Variants in LRBA observed in about 807,000 individuals in gnomAD.
LRBA encodes the protein LPS responsive beige-like anchor protein.
A neutral mutation model predicts 330.0 loss-of-function variants in LRBA; 176 were observed. That is an observed-to-expected ratio of 0.53 (90% CI 0.47 to 0.60). LRBA has a LOEUF of 0.60. Among genes scored for constraint, LRBA ranks in the 20% least tolerant of loss-of-function variants. The pLI, the probability that LRBA is intolerant of heterozygous loss-of-function variation, is 0.00. For synonymous variants in LRBA, 1,230 were observed against 1,193.0 expected, an observed-to-expected ratio of 1.03 and a Z score of -0.64; for missense variants, 3,259 against 3,444.8, an observed-to-expected ratio of 0.95 and a Z score of 1.35.
chr4:150,755,839 A>G (rs939309901), intron 35 of LRBA, among the ~76,000 whole-genome samples: 6 of 151,876 alleles, frequency 4.0e-5, no homozygotes, highest in African/African-American at 1.4e-4. Context: ...GGAGTTCAAG[A>G]CTAGCCTGGG....
chr4:150,343,444 C>A (rs967776535), intron 48 of LRBA, among the ~76,000 whole-genome samples: 1 of 152,184 alleles, frequency 6.6e-6, no homozygotes, highest in Non-Finnish European at 1.5e-5. Context: ...CTTTGCCTGT[C>A]TTGCTCATCT....
At chr4:150,810,414 A>C (rs572768452) in intron 31 of LRBA, among the ~76,000 whole-genome samples, 59 of 116,206 alleles carry the variant, frequency 5.1e-4, no homozygotes, top group Non-Finnish European at 9.7e-4. Context: ...TTCCCTTGAT[A>C]ATCAAAGTTG....
At chr4:150,955,337 C>A (rs1456420682) in intron 2 of LRBA, among the ~76,000 whole-genome samples, 1 of 149,114 alleles carries the variant, frequency 6.7e-6, no homozygotes, top group East Asian at 1.9e-4. Context: ...AATGAAGATA[C>A]AACATGACAA....
At chr4:150,392,044 A>G (rs1013167071) in intron 47 of LRBA, among the ~76,000 whole-genome samples, 10 of 151,550 alleles carry the variant, frequency 6.6e-5, no homozygotes, top group Admixed American at 5.9e-4. Flanking sequence ...TCTATTGCCA[A>G]TAGGTTAAAT....
intron 40 of LRBA, among the ~76,000 whole-genome samples, chr4:150,573,929 A>C (rs562673975): frequency 6.6e-6 from 1 of 152,118 alleles, no homozygotes; most frequent in Non-Finnish European, 1.5e-5. Context: ...GCACAATGTC[A>C]TTTCTCTAAG....
rs566606805 is a variant in LRBA at position 150,484,456 on chromosome 4, ATTTC to A, written c.6551+3272_6551+3275del. Among the ~76,000 whole-genome samples, 280 of 151,822 alleles carry A rather than the reference ATTTC, an allele frequency of 1.8e-3. 1 individual carries two copies. Among genetic ancestry groups the A allele is most frequent in the Admixed American group, 3.2e-3 (49 of 15,200 alleles). The stretch of plus-strand genomic sequence containing the variant: ...TTAGTAGCATAAATTTGTTCATAAT[ATTTC>A]TTTATTTTTCTTTTAATATCTGTAG... On this transcript the variant is annotated intron_variant, in intron 42 of 56. Transcript: ENST00000651943.
chr4:150,601,553 G>GC (rs1561410022), intron 37 of LRBA, among the ~76,000 whole-genome samples: 1 of 151,898 alleles, frequency 6.6e-6, no homozygotes, highest in Admixed American at 6.6e-5. Flanking sequence ...GGTCAAAATG[G>GC]TGACATTTGG....
chr4:150,685,743 A>T (rs1383443707), intron 36 of LRBA, among the ~76,000 whole-genome samples: 1 of 151,898 alleles, frequency 6.6e-6, no homozygotes, highest in South Asian at 2.1e-4. Flanking sequence ...CCAAGAATCA[A>T]ATATCTTAGT....
At chr4:150,740,942 GATCA>G (rs1437287607) in intron 35 of LRBA, among the ~76,000 whole-genome samples, 1 of 152,056 alleles carries the variant, frequency 6.6e-6, no homozygotes, top group African/African-American at 2.4e-5. Context: ...ACTGGTCTTA[GATCA>G]ATCAACTGAT....
At chr4:150,928,655 T>C (rs773745117) in intron 3 of LRBA, 39 bp from the exon 4 acceptor site, 46 of 1,509,956 alleles carry the variant, frequency 3.0e-5, no homozygotes, top group Admixed American at 2.1e-4. Flanking sequence ...CTCAGCTAGT[T>C]ATATTTCTCG....
At chr4:150,658,495 G>A in intron 37 of LRBA, among the ~76,000 whole-genome samples, 1 of 44,778 alleles carries the variant, frequency 2.2e-5, no homozygotes. Flanking sequence ...AAACCTATCA[G>A]AAAATAAAAG....
chr4:150,698,402 A>T (rs1341424248), intron 36 of LRBA, among the ~76,000 whole-genome samples: 2 of 152,134 alleles, frequency 1.3e-5, no homozygotes, highest in African/African-American at 4.8e-5. Flanking sequence ...CTTTGAAGAG[A>T]TTTTCAATGC....
At position 150,436,767 on chromosome 4, in the gene LRBA, T is replaced by C. The variant is rs757809440; in HGVS notation, c.6878A>G (p.His2293Arg). The change falls in exon 45 of 57, where the codon CAT becomes CGT. Residue 2293 changes from histidine to arginine, a missense_variant. His to Arg is a conservative substitution (Grantham distance 29). Coordinates refer to ENST00000651943, the MANE Select transcript of LRBA (RefSeq NM_001364905.1). Reference protein sequence around the residue: ...DQVPKFHYGTHYSTASFVLAW... With the variant: ...DQVPKFHYGTRYSTASFVLAW... ...AAGAACAAAACTTGCAGTTGAGTAA[T>C]GAGTACCATAGTGAAACTTTGGAAC... The C allele has an allele frequency of 1.9e-6, 3 of 1,613,322 alleles. No individual in the cohort carries two copies. Among genetic ancestry groups the C allele is most frequent in the South Asian group, 1.1e-5 (1 of 90,988 alleles).
intron 37 of LRBA, among the ~76,000 whole-genome samples, chr4:150,661,485 AAAG>A (rs1323377967): frequency 6.6e-6 from 1 of 151,616 alleles, no homozygotes; most frequent in Non-Finnish European, 1.5e-5. Context: ...AAAAAAAAAA[AAAG>A]AAGAAAGAAA....
At chr4:150,364,724 A>G (rs1225689656) in intron 47 of LRBA, among the ~76,000 whole-genome samples, 1 of 152,150 alleles carries the variant, frequency 6.6e-6, no homozygotes, top group Non-Finnish European at 1.5e-5. Context: ...TTTAAAACCA[A>G]TACTTTCAAC....
chr4:150,612,326 A>T (rs1220774103), intron 37 of LRBA, among the ~76,000 whole-genome samples: 3 of 152,228 alleles, frequency 2.0e-5, no homozygotes, highest in Non-Finnish European at 4.4e-5. Context: ...CTCTCAGGAA[A>T]ATACTGAGAG....
rs894744651 is a variant in LRBA, at chr4:150,841,077, T to G, written c.4569+3023A>C. 1.5e-5 allele frequency: 12 copies of G among 784,868 alleles called. No individual in the cohort carries two copies. In the Admixed American group the frequency reaches 4.1e-4, roughly 27 times the overall value. The allele number at this position is 784,868 out of a possible 1,614,324, so 48.6% of individuals were successfully genotyped here. ...GTCTGTTGGAAAAAACAAAGGTACATTTGTCTTTTTTATAAACCACCCCTT... is the reference window on the plus strand; with the variant it reads ...GTCTGTTGGAAAAAACAAAGGTACAGTTGTCTTTTTTATAAACCACCCCTT... On this transcript the variant is annotated intron_variant, in intron 28 of 56. Coordinates refer to ENST00000651943, the MANE Select transcript of LRBA (RefSeq NM_001364905.1).
At chr4:150,867,897 G>GA (rs747454392) in intron 21 of LRBA, 34 bp from the exon 22 acceptor site, 989 of 1,461,488 alleles carry the variant, frequency 6.8e-4, no homozygotes, top group Non-Finnish European at 7.3e-4. Context: ...AATTACTGAA[G>GA]AAAAAAAAAT....
intron 52 of LRBA, among the ~76,000 whole-genome samples, chr4:150,303,285 CA>C (rs1356258437): frequency 6.6e-6 from 1 of 152,170 alleles, no homozygotes; most frequent in East Asian, 1.9e-4. Context: ...GTGATCTATA[CA>C]AAGACAATAT....
Sources: gnomAD v4.1 joint callset for allele counts (sites outside exome capture counted in the v4.1 genomes callset) on GRCh38, gnomAD v4.1.1 for gene constraint, MANE v1.5 for transcripts, NCBI Gene and HGNC (gene_info 2026-07-23, HGNC 2026-07-21) for gene names.